The following TENM1 variants were observed in gnomAD, a reference collection of about 807,000 sequenced individuals.
TENM1 encodes teneurin-1.
In TENM1, 35 loss-of-function variants were observed where a neutral mutation model predicts 174.8. That is an observed-to-expected ratio of 0.20 (90% CI 0.15 to 0.27). TENM1 has a LOEUF of 0.27. Ranked by LOEUF, TENM1 falls within the 10% of genes least tolerant of loss-of-function variation. TENM1 has a pLI of 1.00. For missense variants in TENM1, 1,633 were observed against 2,130.1 expected, an observed-to-expected ratio of 0.77 and a Z score of 4.59; for synonymous variants, 781 against 798.7, an observed-to-expected ratio of 0.98 and a Z score of 0.37.
intron 1 of TENM1, among the ~76,000 whole-genome samples, chrX:124,913,491 G>A (rs2147648307): frequency 8.9e-6 from 1 of 111,881 alleles, no homozygotes; most frequent in African/African-American, 3.2e-5. Flanking sequence ...GGTACACACT[G>A]TGAGCAATGG....
At chrX:124,815,256 CTATT>C (rs2055871468) in intron 3 of TENM1, among the ~76,000 whole-genome samples, 1 of 111,677 alleles carries the variant, frequency 9.0e-6, no homozygotes, top group African/African-American at 3.2e-5. Context: ...GGTTTATTCT[CTATT>C]TATCCTCTAT....
intron 18 of TENM1, among the ~76,000 whole-genome samples, chrX:124,506,826 C>CT (rs946688334): frequency 8.9e-6 from 1 of 112,015 alleles, no homozygotes; most frequent in Admixed American, 9.5e-5. Flanking sequence ...TAATCCTAGA[C>CT]TTTGTCATGG....
chrX:125,082,645 C>T, the TENM1 span, among the ~76,000 whole-genome samples: 2 of 111,500 alleles, frequency 1.8e-5, no homozygotes, highest in Admixed American at 1.9e-4. Context: ...AGTATCACCT[C>T]CTCAGAGAGA....
intron 4 of TENM1, among the ~76,000 whole-genome samples, chrX:124,707,834 T>A (rs745694926): frequency 8.9e-6 from 1 of 112,278 alleles, no homozygotes; most frequent in South Asian, 3.8e-4. Context: ...ATGTCCATAC[T>A]TCCACTATTT....
chrX:124,538,061 T>C (rs2048242459), intron 15 of TENM1, among the ~76,000 whole-genome samples: 3 of 112,159 alleles, frequency 2.7e-5, no homozygotes, highest in African/African-American at 6.5e-5. Flanking sequence ...AAGTCTCACA[T>C]TGTTTCTTTT....
intron 11 of TENM1, among the ~76,000 whole-genome samples, chrX:124,587,178 G>A (rs1370721773): frequency 9.1e-6 from 1 of 109,894 alleles, no homozygotes; most frequent in African/African-American, 3.3e-5. Context: ...CACACAATTG[G>A]AAAAAACTAC....
intron 3 of TENM1, among the ~76,000 whole-genome samples, chrX:124,762,009 T>G: frequency 8.9e-6 from 1 of 112,456 alleles, no homozygotes; most frequent in Middle Eastern, 4.6e-3. Flanking sequence ...GGATGTTTGG[T>G]CTTTTACAAT....
At chrX:124,509,092 A>AACAC (rs1044717528) in intron 18 of TENM1, among the ~76,000 whole-genome samples, 2 of 90,349 alleles carry the variant, frequency 2.2e-5, no homozygotes, top group East Asian at 3.4e-4. Context: ...CACACACACA[A>AACAC]ACACACACAC....
chrX:124,769,512 T>C (rs892495596), intron 3 of TENM1, among the ~76,000 whole-genome samples: 1 of 111,847 alleles, frequency 8.9e-6, no homozygotes, highest in African/African-American at 3.2e-5. Context: ...TCAAGACCTG[T>C]AATTAAATAA....
the TENM1 span, among the ~76,000 whole-genome samples, chrX:125,031,298 ATCT>A: frequency 2.7e-5 from 3 of 111,146 alleles, no homozygotes; most frequent in Non-Finnish European, 3.8e-5. Flanking sequence ...TATAATTTGA[ATCT>A]TATTATAAAT....
chrX:124,652,116 A>C, exon 8 of TENM1: 1 of 1,210,697 alleles, frequency 8.3e-7, no homozygotes, highest in Non-Finnish European at 1.1e-6. Context: ...TTAGTTTTAC[A>C]AAATCAAACT....
chrX:124,945,689 G>A (rs767689096), intron 1 of TENM1, among the ~76,000 whole-genome samples: 17 of 111,171 alleles, frequency 1.5e-4, no homozygotes, highest in African/African-American at 4.2e-4. Context: ...AGAAAAAGTC[G>A]GAGGAGCAGA....
At chrX:124,925,952 G>A (rs751550685) in intron 1 of TENM1, among the ~76,000 whole-genome samples, 2 of 112,087 alleles carry the variant, frequency 1.8e-5, no homozygotes, top group East Asian at 5.6e-4. Flanking sequence ...GGGAGCACAG[G>A]CCCAATTTTG....
intron 14 of TENM1, among the ~76,000 whole-genome samples, chrX:124,547,889 T>G (rs1332921206): frequency 8.9e-6 from 1 of 112,130 alleles, no homozygotes; most frequent in Admixed American, 9.4e-5. Flanking sequence ...CAGGCTGGAG[T>G]GCAGTGGCAC....
At chrX:124,428,810 T>G (rs1458030947) in intron 23 of TENM1, among the ~76,000 whole-genome samples, 2 of 111,979 alleles carry the variant, frequency 1.8e-5, no homozygotes, top group African/African-American at 3.2e-5. Context: ...TCAACTGTGT[T>G]TCCCAGACTT....
chrX:124,754,700 T>C (rs1202161408), intron 3 of TENM1, among the ~76,000 whole-genome samples: 2 of 108,917 alleles, frequency 1.8e-5, no homozygotes, highest in African/African-American at 3.4e-5. Context: ...TTTGTTCTCG[T>C]TGGTTTCAAA....
exon 5 of TENM1, chrX:124,705,209 G>T (rs748143216): frequency 6.6e-6 from 8 of 1,205,218 alleles, no homozygotes; most frequent in Non-Finnish European, 9.0e-6. Context: ...TGGCTGCACT[G>T]AAGATCGCAG....
chrX:124,492,479 G>A (rs1285126524), intron 20 of TENM1, among the ~76,000 whole-genome samples: 1 of 109,072 alleles, frequency 9.2e-6, no homozygotes, highest in African/African-American at 3.3e-5. Context: ...ACACATATAG[G>A]CAACTGATCA....
Position 124,894,230 on chromosome X carries a change from G to C in TENM1, c.535+66C>G. The C allele has an allele frequency of 4.6e-6, 4 of 877,439 alleles. No individual in the cohort carries two copies. The South Asian group carries it at 6.4e-5, about 14-fold the overall frequency. The allele number at this position is 877,439 out of a possible 1,213,427, so 72.3% of individuals were successfully genotyped here. Reference sequence around the variant, plus strand: ...CAGAGAAGCAGGGTTCCATTTTGTGGGGGTAGGGTGCCAGGGATGGGGTGA... The same window carrying C: ...CAGAGAAGCAGGGTTCCATTTTGTGCGGGTAGGGTGCCAGGGATGGGGTGA... On this transcript the variant is annotated intron_variant, in intron 3 of 31. Coordinates refer to ENST00000422452, the Ensembl canonical transcript of TENM1.
Sources: gnomAD v4.1 joint callset for allele counts (sites outside exome capture counted in the v4.1 genomes callset) on GRCh38, gnomAD v4.1.1 for gene constraint, MANE v1.5 for transcripts, NCBI Gene and HGNC (gene_info 2026-07-23, HGNC 2026-07-21) for gene names.